The following LRIT3 variants were observed in gnomAD, a reference collection of about 807,000 sequenced individuals.
LRIT3 encodes the protein leucine-rich repeat, immunoglobulin-like domain and transmembrane domain-containing protein 3.
LRIT3 carries 14 observed loss-of-function variants against 22.6 expected under a neutral mutation model. That is an observed-to-expected ratio of 0.62 (90% CI 0.41 to 0.97). LRIT3 has a LOEUF of 0.97. Among genes scored for constraint, LRIT3 ranks in the 50% least tolerant of loss-of-function variants. LRIT3 has a pLI of 0.00. For missense variants in LRIT3, 783 were observed against 803.0 expected (o/e 0.98, Z 0.30); for synonymous variants, 306 against 304.5 (o/e 1.01, Z -0.05).
chr4:109,849,508 G>A (rs13112387), intron 1 of LRIT3, among the ~76,000 whole-genome samples: 28,302 of 152,200 alleles, frequency 0.19, 3,140 homozygotes, highest in Admixed American at 0.33. Flanking sequence ...ACTTGTCCTA[G>A]ATCATATAAT....
chr4:109,863,073 T>C (rs973521959), intron 2 of LRIT3, among the ~76,000 whole-genome samples: 1 of 152,186 alleles, frequency 6.6e-6, no homozygotes, highest in Non-Finnish European at 1.5e-5. Flanking sequence ...AGATGAGTTA[T>C]GATAGAAAGG....
In LRIT3 at chr4:109,870,200, A is replaced by G; in HGVS notation, c.1451A>G (p.Asn484Ser). ...LLDQTMLTET[N>S]AAIENLRVVS... ...GATCAAACAATGCTTACGGAGACAA[A>G]TGCCGCAATAGAAAACCTCAGGGTG... Residue 484 changes from asparagine (N) to serine (S), a missense_variant, in exon 4 of 4, where the codon AAT becomes AGT. Physicochemically the swap from Asn to Ser is conservative, Grantham distance 46. Around this residue, in one of 2 missense-constraint regions of LRIT3, gnomAD observed 756 missense variants for 753.8 expected, o/e 1.00. Transcript: ENST00000594814. 6.2e-7 allele frequency: 1 copy of G among 1,614,220 alleles called. No homozygotes were observed. Among genetic ancestry groups the G allele is most frequent in the Non-Finnish European group, 8.5e-7 (1 of 1,180,028 alleles).
At chr4:109,850,631 C>T (rs1347217447) in intron 1 of LRIT3, among the ~76,000 whole-genome samples, 3 of 151,400 alleles carry the variant, frequency 2.0e-5, no homozygotes, top group Non-Finnish European at 4.4e-5. Context: ...TACCTACCAC[C>T]GCGCCTGGCT....
chr4:109,865,349 C>A, intron 2 of LRIT3: 2 of 1,538,470 alleles, frequency 1.3e-6, no homozygotes, highest in South Asian at 2.3e-5. Context: ...CATATCAGGT[C>A]AACTAATACG....
At position 109,867,889 on chromosome 4, in the gene LRIT3, T is replaced by C. The variant is rs1734725025; in HGVS notation, c.838T>C (p.Phe280Leu). 6.2e-7 allele frequency: 1 copy of C among 1,613,910 alleles called. No individual in the cohort carries two copies. Residue 280 changes from phenylalanine to leucine, a missense_variant, in exon 3 of 4, where the codon TTC becomes CTC. Coordinates refer to ENST00000594814, the MANE Select transcript of LRIT3 (RefSeq NM_198506.5). ...NVLLRCDATG[F>L]PTPQITWTRS... ...TCTACTGCGGTGTGATGCCACTGGC[T>C]TCCCCACCCCACAGATCACATGGAC...
chr4:109,851,239 G>A (rs1014706092), intron 1 of LRIT3: 2 of 383,146 alleles, frequency 5.2e-6, no homozygotes, highest in Non-Finnish European at 9.4e-6. Flanking sequence ...TACATCCATT[G>A]TAATTAATCA....
chr4:109,870,008 T>C lies in LRIT3; in HGVS notation c.1259T>C (p.Val420Ala). Residue 420 changes from valine to alanine, a missense_variant, in exon 4 of 4, where the codon GTT becomes GCT. Coordinates refer to ENST00000594814, the MANE Select transcript of LRIT3 (RefSeq NM_198506.5). ...TTATCTCCTTTCTCCTCCTCCACTGTTTCTTCAACCACAACTCTGAGCACA... is the reference window on the plus strand; with the variant it reads ...TTATCTCCTTTCTCCTCCTCCACTGCTTCTTCAACCACAACTCTGAGCACA... Reference protein sequence around the residue: ...FSLSPFSSSTVSSTTTLSTSI... With the variant: ...FSLSPFSSSTASSTTTLSTSI... 6.2e-7 allele frequency: 1 copy of C among 1,614,192 alleles called. No individual in the cohort carries two copies. Among genetic ancestry groups the C allele is most frequent in the Non-Finnish European group, 8.5e-7 (1 of 1,180,028 alleles).
chr4:109,859,210 G>A (rs940146468), intron 2 of LRIT3, among the ~76,000 whole-genome samples: 11 of 152,056 alleles, frequency 7.2e-5, no homozygotes, highest in African/African-American at 2.2e-4. Context: ...CTGGTCCCAC[G>A]GTGCCACCAA....
Position 109,870,278 on chromosome 4 carries a change from C to T in LRIT3, c.1529C>T (p.Thr510Ile), listed in dbSNP as rs1330707231. 2 of 1,614,188 alleles carry T rather than the reference C, an allele frequency of 1.2e-6. No homozygotes were observed. The highest frequency in any genetic ancestry group is 8.5e-7 in the Non-Finnish European group (1 of 1,180,030). ...TTGACGTGGAATATGATCAACACCA[C>T]ACATAACTCTGCAGTGACTGTGTTG... Reference protein sequence around the residue: ...VTLTWNMINTTHNSAVTVLYS... With the variant: ...VTLTWNMINTIHNSAVTVLYS... Residue 510 changes from threonine to isoleucine, a missense_variant, in exon 4 of 4, where the codon ACA becomes ATA. Coordinates refer to ENST00000594814, the MANE Select transcript of LRIT3 (RefSeq NM_198506.5).
At chr4:109,849,665 T>G (rs961221419) in intron 1 of LRIT3, among the ~76,000 whole-genome samples, 2 of 152,206 alleles carry the variant, frequency 1.3e-5, no homozygotes, top group Non-Finnish European at 2.9e-5. Flanking sequence ...CAGGCTGGAG[T>G]GCAGTGGCAC....
chr4:109,860,144 A>G (rs1469592961), intron 2 of LRIT3, among the ~76,000 whole-genome samples: 2 of 152,210 alleles, frequency 1.3e-5, no homozygotes, highest in East Asian at 1.9e-4. Context: ...TTACACAGGC[A>G]TATTCTGTAA....
chr4:109,862,355 C>T (rs773873423), intron 2 of LRIT3, among the ~76,000 whole-genome samples: 2 of 152,136 alleles, frequency 1.3e-5, no homozygotes, highest in Non-Finnish European at 2.9e-5. Flanking sequence ...GTGCAAGTAA[C>T]AGTTTAACTT....
chr4:109,854,243 T>G (rs1734347065), intron 2 of LRIT3, among the ~76,000 whole-genome samples: 1 of 152,222 alleles, frequency 6.6e-6, no homozygotes, highest in African/African-American at 2.4e-5. Context: ...TCCATTTGTT[T>G]ATATCTTCTT....
intron 1 of LRIT3, among the ~76,000 whole-genome samples, chr4:109,849,277 G>A (rs1734151121): frequency 6.6e-6 from 1 of 152,232 alleles, no homozygotes; most frequent in Non-Finnish European, 1.5e-5. Flanking sequence ...TGAAGAGAAT[G>A]TAGCAAGTTA....
chr4:109,850,413 T>C (rs1463418135), intron 1 of LRIT3, among the ~76,000 whole-genome samples: 2 of 18,316 alleles, frequency 1.1e-4, no homozygotes, highest in Non-Finnish European at 1.9e-4. Flanking sequence ...CTTCCTTCCT[T>C]CCTTCCTTCC....
Position 109,870,601 on chromosome 4 carries a change from G to C in LRIT3, c.1852G>C (p.Glu618Gln). 6.2e-7 allele frequency: 1 copy of C among 1,613,648 alleles called. No homozygotes were observed. The highest frequency in any genetic ancestry group is 8.5e-7 in the Non-Finnish European group (1 of 1,179,716). ...GCAATGTAAATCAGAACCTTTTTGG[G>C]AAGATGATTTGGCAAAGGAGACTTA... ...KLQCKSEPFW[E>Q]DDLAKETYIQ... The change falls in exon 4 of 4, where the codon GAA (glutamate) becomes CAA (glutamine). Residue 618 changes from glutamate to glutamine, a missense_variant. By Grantham distance (29) the Glu-to-Gln change is conservative. Around this residue, in one of 2 missense-constraint regions of LRIT3, gnomAD observed 756 missense variants for 753.8 expected, o/e 1.00. Transcript: ENST00000594814.
chr4:109,849,983 T>C (rs1443689918), intron 1 of LRIT3, among the ~76,000 whole-genome samples: 2 of 152,186 alleles, frequency 1.3e-5, no homozygotes, highest in African/African-American at 4.8e-5. Context: ...TGATATAAAA[T>C]AGAGATGAAA....
intron 2 of LRIT3, among the ~76,000 whole-genome samples, chr4:109,857,872 T>G (rs1455180857): frequency 5.9e-5 from 9 of 152,188 alleles, no homozygotes; most frequent in Admixed American, 4.6e-4. Context: ...AGGCTTATAT[T>G]GGGATGTGTG....
chr4:109,856,198 T>G lies in LRIT3; in HGVS notation c.589+4222T>G, dbSNP rs537109813. Reference sequence around the variant, plus strand: ...CCAACCTGGCATTGTCTTTACACAATCCTGCATGCAATTTTGTACTTACAA... The same window carrying G: ...CCAACCTGGCATTGTCTTTACACAAGCCTGCATGCAATTTTGTACTTACAA... On this transcript the variant is annotated intron_variant, in intron 2 of 3. Coordinates refer to ENST00000594814, the MANE Select transcript of LRIT3 (RefSeq NM_198506.5). Among the ~76,000 whole-genome samples the G allele has an allele frequency of 2.9e-4, 44 of 152,296 alleles. 2 individuals carry two copies. The South Asian group carries it at 8.9e-3, about 31-fold the overall frequency.
Sources: gnomAD v4.1 joint callset for allele counts (sites outside exome capture counted in the v4.1 genomes callset) on GRCh38, gnomAD v4.1.1 for gene constraint, gnomAD v4.1.1 regional missense constraint, MANE v1.5 for transcripts, NCBI Gene and HGNC (gene_info 2026-07-23, HGNC 2026-07-21) for gene names.